CABLES2: variants seen among roughly 807,000 people sequenced by gnomAD.
The protein encoded by CABLES2 is CDK5 and ABL1 enzyme substrate 2.
Under a neutral mutation model 44.8 loss-of-function variants are expected in CABLES2, and 35 were observed. That is an observed-to-expected ratio of 0.78 (90% CI 0.60 to 1.04). CABLES2 has a LOEUF of 1.04. CABLES2 is among the 50% of genes least tolerant of loss of function. CABLES2 has a pLI of 0.00. For missense variants in CABLES2, 566 were observed against 615.7 expected, an observed-to-expected ratio of 0.92 and a Z score of 0.85; for synonymous variants, 282 against 281.1, an observed-to-expected ratio of 1.00 and a Z score of -0.03.
At chr20:62,398,076 G>GTGGTGA (rs1555890766) in intron 1 of CABLES2, among the ~76,000 whole-genome samples, 3 of 39,026 alleles carry the variant, frequency 7.7e-5, no homozygotes, top group Non-Finnish European at 1.3e-4. Flanking sequence ...GGTGACGGTG[G>GTGGTGA]TGGTGGTGGT....
In CABLES2 at chr20:62,396,450, C is replaced by A. The variant is rs774846811; in HGVS notation, c.435-43G>T. ...CAGGTCACTCTTTTCCTCCCAGGAC[C>A]CTCTGGCCCCGCAGGGGTCAGTGGC... On this transcript the variant is annotated intron_variant, in intron 2 of 9. Transcript: ENST00000279101. This position sits in a 1 kb window ranked among gnomAD's most constrained non-coding sequence, Gnocchi z 5.7. The A allele has an allele frequency of 1.4e-4, 222 of 1,613,050 alleles. No homozygotes were observed. The highest frequency in any genetic ancestry group is 2.8e-4 in the Admixed American group (17 of 60,002).
chr20:62,394,869 T>C (rs1987987744), intron 4 of CABLES2, 68 bp downstream of exon 4: 2 of 1,465,702 alleles, frequency 1.4e-6, no homozygotes, highest in Non-Finnish European at 1.9e-6. Context: ...CTCCTGGGCC[T>C]GGCCGAGACC....
Position 62,390,689 on chromosome 20 carries a change from G to A in CABLES2, c.*282C>T, listed in dbSNP as rs889401191. On this transcript the variant is annotated 3_prime_UTR_variant, in exon 10 of 10. Transcript: ENST00000279101. ...CTGGTACCAGGCTGGTCTCAGGCAC[G>A]TGAAAAAAATACCAGTAACAAACCT... The A allele has an allele frequency of 6.7e-6, 3 of 445,058 alleles. No individual in the cohort carries two copies. Among genetic ancestry groups the A allele is most frequent in the East Asian group, 3.9e-5 (1 of 25,532 alleles). 27.6% of individuals were successfully genotyped at this position (445,058 alleles called of 1,614,324 possible). A position where few individuals can be genotyped will look rare whatever the true frequency, so the allele number is the denominator to read the frequency against.
Position 62,394,635 on chromosome 20 carries a change from G to A in CABLES2, c.605+302C>T, listed in dbSNP as rs375181176. ...TTTCCTCCTTCCCTGAATTACGCAC[G>A]GATACGACTGCCTGGATGGTCACAG... On this transcript the variant is annotated intron_variant, in intron 4 of 9. Coordinates refer to ENST00000279101, the MANE Select transcript of CABLES2 (RefSeq NM_031215.3). 3.1e-4 allele frequency among the ~76,000 whole-genome samples: 47 copies of A among 152,262 alleles called. No homozygotes were observed. In the South Asian group the frequency reaches 4.1e-3, roughly 13 times the overall value.
chr20:62,392,319 C>T, intron 8 of CABLES2, 70 bp downstream of exon 8: 2 of 1,126,490 alleles, frequency 1.8e-6, no homozygotes, highest in Non-Finnish European at 2.7e-6. Context: ...AGAGAATCTA[C>T]CAGAAACTGG....
chr20:62,393,908 G>A (rs1987965873), intron 5 of CABLES2, among the ~76,000 whole-genome samples: 1 of 152,248 alleles, frequency 6.6e-6, no homozygotes, highest in Non-Finnish European at 1.5e-5. Flanking sequence ...CCCTGCAGCA[G>A]GGGGGTGTCC....
Position 62,390,923 on chromosome 20 carries a change from A to G in CABLES2, c.*48T>C, listed in dbSNP as rs1431153458. The G allele has an allele frequency of 6.2e-7, 1 of 1,603,658 alleles. No individual in the cohort carries two copies. ...GCGGGGCTTCAGTGGGACACCTCCC[A>G]GGCCGGCAAGTGCACCTCGGTGCCC... On this transcript the variant is annotated 3_prime_UTR_variant, in exon 10 of 10. Coordinates refer to ENST00000279101, the MANE Select transcript of CABLES2 (RefSeq NM_031215.3).
At position 62,396,719 on chromosome 20, in the gene CABLES2, C is replaced by T. The variant is rs1330758201; in HGVS notation, c.363-127G>A. 11 of 937,432 alleles carry T rather than the reference C, an allele frequency of 1.2e-5. No homozygotes were observed. Among genetic ancestry groups the T allele is most frequent in the African/African-American group, 3.3e-5 (2 of 60,888 alleles). The allele number at this position is 937,432 out of a possible 1,614,324, so 58.1% of individuals were successfully genotyped here. ...CCAGCCCAGCGGCGCACCCATGGGC[C>T]GAGGGGCTTCCAGAGCCCATGCAGA... On this transcript the variant is annotated intron_variant, in intron 1 of 9. Coordinates refer to ENST00000279101, the MANE Select transcript of CABLES2 (RefSeq NM_031215.3). The surrounding 1 kb of genome is among the most constrained non-coding windows in gnomAD (Gnocchi z 5.7).
At chr20:62,392,851 G>A (rs1987944454) in intron 7 of CABLES2, 69 bp downstream of exon 7, 7 of 1,400,926 alleles carry the variant, frequency 5.0e-6, no homozygotes, top group Non-Finnish European at 7.1e-6. Flanking sequence ...CCCACAGCCT[G>A]CCCCACACGC....
At chr20:62,398,202 G>GGTGGTGGTGGTGGTGA (rs879730947) in intron 1 of CABLES2, among the ~76,000 whole-genome samples, 1 of 112,556 alleles carries the variant, frequency 8.9e-6, no homozygotes, top group Non-Finnish European at 1.9e-5. Flanking sequence ...GATGATGGTG[G>GGTGGTGGTGGTGGTGA]TGATGGTGAT....
intron 6 of CABLES2, 88 bp downstream of exon 6, chr20:62,393,352 G>T: frequency 7.4e-7 from 1 of 1,356,260 alleles, no homozygotes; most frequent in Non-Finnish European, 1.0e-6. Context: ...GATTGAAAGG[G>T]GCTTGCTGAT....
chr20:62,390,738 C>G lies in CABLES2; in HGVS notation c.*233G>C, dbSNP rs1987899428. 3 of 560,650 alleles carry G rather than the reference C, an allele frequency of 5.4e-6. No individual in the cohort carries two copies. The highest frequency in any genetic ancestry group is 2.9e-5 in the East Asian group (1 of 34,894). 34.7% of individuals were successfully genotyped at this position (560,650 alleles called of 1,614,324 possible). ...CTCACATTTAGTTTATGTAAAAATGCAGGAGAATTCTCAGAAATCCCCTCG... is the reference window on the plus strand; with the variant it reads ...CTCACATTTAGTTTATGTAAAAATGGAGGAGAATTCTCAGAAATCCCCTCG... On this transcript the variant is annotated 3_prime_UTR_variant, in exon 10 of 10. Coordinates refer to ENST00000279101, the MANE Select transcript of CABLES2 (RefSeq NM_031215.3).
In CABLES2 at chr20:62,394,927, G is replaced by A; in HGVS notation, c.605+10C>T. The A allele has an allele frequency of 1.2e-6, 2 of 1,611,534 alleles. No individual in the cohort carries two copies. On this transcript the variant is annotated intron_variant, in intron 4 of 9. Coordinates refer to ENST00000279101, the MANE Select transcript of CABLES2 (RefSeq NM_031215.3). Reference sequence around the variant, plus strand: ...GGACACCGCATGCGAGGCAAGCGCTGAGTACTCACCTGATCCGCAGGCCTT... The same window carrying A: ...GGACACCGCATGCGAGGCAAGCGCTAAGTACTCACCTGATCCGCAGGCCTT...
chr20:62,394,163 G>T lies in CABLES2; in HGVS notation c.708C>A (p.Asp236Glu). 1 of 1,613,086 alleles carries T rather than the reference G, an allele frequency of 6.2e-7. No homozygotes were observed. Among genetic ancestry groups the T allele is most frequent in the South Asian group, 1.1e-5 (1 of 91,082 alleles). ...FELEGVELGA[D>E]GKVVSYAKFL... ...CCAGCGAAGAGGCTCTTACCTTCCC[G>T]TCTGCTCCTAGCTCCACACCTTCTA... The change falls in exon 5 of 10, where the codon GAC (aspartate) becomes GAA (glutamate). Residue 236 changes from aspartate to glutamate, a missense_variant. This residue lies in a region of CABLES2 where 436 missense variants were observed against 536.3 expected (regional missense o/e 0.81). Transcript: ENST00000279101.
At chr20:62,400,425 C>T (rs73143441) in intron 1 of CABLES2, among the ~76,000 whole-genome samples, 27,615 of 152,082 alleles carry the variant, frequency 0.18, 2,741 homozygotes, top group Middle Eastern at 0.26. Flanking sequence ...TGGGTGACGG[C>T]GGACAGACTG....
intron 1 of CABLES2, among the ~76,000 whole-genome samples, chr20:62,399,682 C>A (rs6121398): frequency 6.6e-6 from 1 of 151,372 alleles, no homozygotes; most frequent in African/African-American, 2.4e-5. Context: ...CAACCTCCAC[C>A]TCCCAGGTTC....
At chr20:62,392,831 G>A in intron 7 of CABLES2, 89 bp downstream of exon 7, 1 of 1,187,610 alleles carries the variant, frequency 8.4e-7, no homozygotes, top group South Asian at 1.3e-5. Flanking sequence ...ACGCCCCTGG[G>A]GCAGCTTTGC....
At chr20:62,394,567 T>G (rs901554999) in intron 4 of CABLES2, among the ~76,000 whole-genome samples, 1 of 152,062 alleles carries the variant, frequency 6.6e-6, no homozygotes, top group African/African-American at 2.4e-5. Flanking sequence ...TCTCCACCAC[T>G]GTTTTTAAGC....
chr20:62,393,678 G>C (rs542455799), intron 5 of CABLES2, 73 bp from the exon 6 acceptor site: 60 of 1,479,398 alleles, frequency 4.1e-5, no homozygotes, highest in Admixed American at 6.5e-5. Flanking sequence ...CCCGCTGCAG[G>C]AAGCCCAGAC....
Sources: allele counts gnomAD v4.1 joint callset (sites outside exome capture counted in the v4.1 genomes callset), GRCh38; gene constraint gnomAD v4.1.1; regional missense constraint gnomAD v4.1.1; non-coding constraint Gnocchi (gnomAD v3.1); transcripts MANE v1.5; gene names NCBI Gene and HGNC (gene_info 2026-07-23, HGNC 2026-07-21).